The following TRIM69 variants were observed in gnomAD, a reference collection of about 807,000 sequenced individuals.
TRIM69 encodes the protein E3 ubiquitin-protein ligase TRIM69.
Under a neutral mutation model 37.7 loss-of-function variants are expected in TRIM69, and 29 were observed. That is an observed-to-expected ratio of 0.77 (90% confidence interval 0.57 to 1.05). The LOEUF (loss-of-function observed/expected upper bound fraction) is 1.05, where lower values mean the gene tolerates loss of function less well. TRIM69 is among the 50% of genes least tolerant of loss of function. The probability of loss-of-function intolerance (pLI) is 0.00; values close to 1 mark genes in which losing one functional copy is unlikely to be tolerated. For missense variants in TRIM69, 596 were observed against 579.9 expected, an observed-to-expected ratio of 1.03 and a Z score of -0.28; for synonymous variants, 209 against 212.4, an observed-to-expected ratio of 0.98 and a Z score of 0.14.
At chr15:44,766,887 T>C (rs1287470608) in intron 6 of TRIM69, among the ~76,000 whole-genome samples, 1 of 150,524 alleles carries the variant, frequency 6.6e-6, no homozygotes, top group African/African-American at 2.4e-5. Context: ...CGAAACCCTG[T>C]CTCTACTAAA....
Position 44,756,310 on chromosome 15 carries a change from C to A in TRIM69, c.484-58C>A. Reference sequence around the variant, plus strand: ...CACACTGGGGCCTTGGGGAAGATGTCCTTTATGGTCCTTCATCTCCCGAGT... The same window carrying A: ...CACACTGGGGCCTTGGGGAAGATGTACTTTATGGTCCTTCATCTCCCGAGT... On this transcript the variant is annotated intron_variant, in intron 2 of 6. Coordinates refer to ENST00000329464, the MANE Select transcript of TRIM69 (RefSeq NM_182985.5). 5.6e-6 allele frequency: 7 copies of A among 1,248,860 alleles called. No individual in the cohort carries two copies. In the Admixed American group the frequency reaches 1.4e-4, roughly 25 times the overall value. The allele number at this position is 1,248,860 out of a possible 1,614,324, so 77.4% of individuals were successfully genotyped here.
chr15:44,752,313 T>G (rs1393445059), intron 1 of TRIM69, among the ~76,000 whole-genome samples: 1 of 152,216 alleles, frequency 6.6e-6, no homozygotes, highest in East Asian at 1.9e-4. Flanking sequence ...TGTATATGTT[T>G]ATAATTGTTT....
At chr15:44,736,758 T>C (rs1225561467) in intron 1 of TRIM69, 48 bp downstream of exon 1, 1 of 1,598,466 alleles carries the variant, frequency 6.3e-7, no homozygotes, top group South Asian at 1.1e-5. Context: ...CTAGGAATAG[T>C]GTGGAAAACA....
intron 1 of TRIM69, among the ~76,000 whole-genome samples, chr15:44,743,752 A>G (rs1392974961): frequency 6.6e-6 from 1 of 152,226 alleles, no homozygotes; most frequent in African/African-American, 2.4e-5. Context: ...CAAAACCACA[A>G]TGAGATACCA....
chr15:44,737,015 T>C (rs979869591), intron 1 of TRIM69, among the ~76,000 whole-genome samples: 23 of 152,222 alleles, frequency 1.5e-4, no homozygotes, highest in Admixed American at 8.5e-4. Context: ...TTAAAAATTA[T>C]TATGTATAAC....
chr15:44,749,303 C>A (rs1345012017), intron 1 of TRIM69, among the ~76,000 whole-genome samples: 1 of 152,150 alleles, frequency 6.6e-6, no homozygotes, highest in Non-Finnish European at 1.5e-5. Context: ...GTATAATAAT[C>A]ACCTCTATCT....
intron 1 of TRIM69, among the ~76,000 whole-genome samples, chr15:44,747,491 C>G (rs1403640876): frequency 6.6e-6 from 1 of 151,686 alleles, no homozygotes; most frequent in East Asian, 1.9e-4. Flanking sequence ...AGAAAATGTC[C>G]AAAGCAAAGC....
chr15:44,743,239 G>T (rs1667033894), intron 1 of TRIM69, among the ~76,000 whole-genome samples: 1 of 152,096 alleles, frequency 6.6e-6, no homozygotes, highest in Non-Finnish European at 1.5e-5. Flanking sequence ...CATAAATGGT[G>T]CTGGGAAAAC....
At chr15:44,739,269 C>G (rs1763590595) in intron 1 of TRIM69, among the ~76,000 whole-genome samples, 2 of 152,352 alleles carry the variant, frequency 1.3e-5, no homozygotes, top group East Asian at 1.9e-4. Flanking sequence ...TGAATAGGAA[C>G]AGCTCTGGTC....
Position 44,767,579 on chromosome 15 carries a change from C to T in TRIM69, c.1310C>T (p.Thr437Ile), listed in dbSNP as rs748744368. The change falls in exon 7 of 7, where the codon ACT (threonine) becomes ATT (isoleucine). Residue 437 changes from threonine (T) to isoleucine (I), a missense_variant. Thr to Ile is a moderately conservative substitution (Grantham distance 89). Coordinates refer to ENST00000329464, the MANE Select transcript of TRIM69 (RefSeq NM_182985.5). The stretch of plus-strand genomic sequence containing the variant: ...TTGCCTTCTTTCAGTCTGACACTGA[C>T]TAACAACCTCGACAAGGTGGGCATA... ...LDLPSFSLTLTNNLDKVGIYL... is the reference protein window; with the variant it reads ...LDLPSFSLTLINNLDKVGIYL... The T allele has an allele frequency of 1.2e-6, 2 of 1,614,090 alleles. No homozygotes were observed. Among genetic ancestry groups the T allele is most frequent in the Non-Finnish European group, 1.7e-6 (2 of 1,180,042 alleles).
Position 44,755,274 on chromosome 15 carries a change from A to G in TRIM69, c.381A>G (p.Lys127=), listed in dbSNP as rs1349514231. Residue 127 remains lysine, a synonymous_variant, in exon 2 of 7, where the codon AAA becomes AAG. Transcript: ENST00000329464. ...EHGENLKLFS[K]PDGKLICFQC... ...GAGAGAACCTGAAACTGTTCAGTAA[A>G]CCAGATGGGAAACTGATCTGCTTTC... 6.2e-7 allele frequency: 1 copy of G among 1,614,054 alleles called. No individual in the cohort carries two copies. The highest frequency in any genetic ancestry group is 8.5e-7 in the Non-Finnish European group (1 of 1,180,024).
chr15:44,752,494 C>T (rs2087556052), intron 1 of TRIM69, among the ~76,000 whole-genome samples: 1 of 152,048 alleles, frequency 6.6e-6, no homozygotes, highest in Non-Finnish European at 1.5e-5. Flanking sequence ...CAACTTTTTA[C>T]TTTCAACTTG....
intron 4 of TRIM69, among the ~76,000 whole-genome samples, chr15:44,759,196 A>G (rs1262242431): frequency 2.0e-5 from 3 of 152,228 alleles, no homozygotes; most frequent in African/African-American, 7.2e-5. Context: ...GCTCTCAGCA[A>G]TCATAAGCTG....
chr15:44,739,039 T>C (rs1357757065), intron 1 of TRIM69, among the ~76,000 whole-genome samples: 1 of 152,244 alleles, frequency 6.6e-6, no homozygotes, highest in Non-Finnish European at 1.5e-5. Context: ...TTTCATATCA[T>C]ATAACTCACC....
chr15:44,762,336 G>A (rs180779661), intron 6 of TRIM69, among the ~76,000 whole-genome samples: 182 of 152,270 alleles, frequency 1.2e-3, no homozygotes, highest in Non-Finnish European at 2.9e-4. Context: ...TGGTCTTGGT[G>A]TGATTTTCTT....
intron 1 of TRIM69, among the ~76,000 whole-genome samples, chr15:44,744,885 A>G (rs2087370505): frequency 6.6e-6 from 1 of 152,174 alleles, no homozygotes; most frequent in South Asian, 2.1e-4. Context: ...AACATTTAAA[A>G]GCAAATGTTT....
chr15:44,749,440 G>T (rs1053772083), intron 1 of TRIM69, among the ~76,000 whole-genome samples: 12 of 152,092 alleles, frequency 7.9e-5, no homozygotes, highest in Admixed American at 6.5e-4. Flanking sequence ...TGTCTCTATA[G>T]ACTTACCTAT....
chr15:44,749,534 T>C lies in TRIM69; in HGVS notation c.7-5366T>C, dbSNP rs185569209. On this transcript the variant is annotated intron_variant, in intron 1 of 6. Coordinates refer to ENST00000329464, the MANE Select transcript of TRIM69 (RefSeq NM_182985.5). The stretch of plus-strand genomic sequence containing the variant: ...TTCACTTAGCATAATGTTTTTGAGG[T>C]TCATCCATGTTGTAGCATGTATGAA... Among the ~76,000 whole-genome samples the C allele has an allele frequency of 6.6e-5, 10 of 152,292 alleles. No individual in the cohort carries two copies. The East Asian group carries it at 1.7e-3, about 26-fold the overall frequency.
At chr15:44,738,236 A>T (rs2470913) in intron 1 of TRIM69, among the ~76,000 whole-genome samples, 132,978 of 147,294 alleles carry the variant, frequency 0.9, 60,292 homozygotes, top group Middle Eastern at 0.96. Flanking sequence ...TTTTTGTATT[A>T]TTATTTTTTT....
Sources: gnomAD v4.1 joint callset for allele counts (sites outside exome capture counted in the v4.1 genomes callset) on GRCh38, gnomAD v4.1.1 for gene constraint, MANE v1.5 for transcripts, NCBI Gene and HGNC (gene_info 2026-07-23, HGNC 2026-07-21) for gene names.